Variants in IQANK1 observed in about 807,000 individuals in gnomAD.
IQANK1 encodes the protein IQ motif and ankyrin repeat domain-containing protein 1.
Under a neutral mutation model 22.6 loss-of-function variants are expected in IQANK1, and 30 were observed. The observed-to-expected ratio is 1.33, with a 90% CI of 0.99 to 1.80. The LOEUF is 1.80. Among genes scored for constraint, IQANK1 ranks in the 40% most tolerant of loss-of-function variants. The pLI, the probability that IQANK1 is intolerant of heterozygous loss-of-function variation, is 0.00. For missense variants in IQANK1, 275 were observed against 235.2 expected, an observed-to-expected ratio of 1.17 and a Z score of -1.11; for synonymous variants, 122 against 99.6, an observed-to-expected ratio of 1.23 and a Z score of -1.34.
intron 7 of IQANK1, among the ~76,000 whole-genome samples, chr8:143,788,374 T>A (rs148366184): frequency 6.6e-6 from 1 of 152,224 alleles, no homozygotes; most frequent in Non-Finnish European, 1.5e-5. Flanking sequence ...CCGGCGCAGC[T>A]GGGCTTTGAG....
At chr8:143,764,207 A>G (rs896594813) in intron 3 of IQANK1, among the ~76,000 whole-genome samples, 8 of 150,542 alleles carry the variant, frequency 5.3e-5, no homozygotes, top group African/African-American at 2.0e-4. Flanking sequence ...TTGGTAGCAG[A>G]AAAAAAACGA....
At chr8:143,777,544 C>G (rs1164110775) in intron 7 of IQANK1, among the ~76,000 whole-genome samples, 1 of 138,168 alleles carries the variant, frequency 7.2e-6, no homozygotes, top group Non-Finnish European at 1.6e-5. Context: ...AAAAAACAAA[C>G]CACTAAAAAA....
At chr8:143,749,289 AT>A (rs1451709652) in intron 3 of IQANK1, among the ~76,000 whole-genome samples, 2 of 120,866 alleles carry the variant, frequency 1.7e-5, no homozygotes, top group African/African-American at 6.8e-5. Flanking sequence ...ATATATAAAA[AT>A]ATATAATATA....
At chr8:143,785,385 T>A (rs539586718) in intron 7 of IQANK1, among the ~76,000 whole-genome samples, 1 of 150,476 alleles carries the variant, frequency 6.6e-6, no homozygotes, top group African/African-American at 2.4e-5. Flanking sequence ...GCCTCCCGAG[T>A]AGCTGGGACT....
At chr8:143,753,860 G>A (rs1207304283) in intron 3 of IQANK1, among the ~76,000 whole-genome samples, 1 of 152,062 alleles carries the variant, frequency 6.6e-6, no homozygotes, top group African/African-American at 2.4e-5. Flanking sequence ...CTGGACATTT[G>A]AATCTAATAA....
In IQANK1 at chr8:143,758,585, A is replaced by G. The variant is rs1819334593; in HGVS notation, c.176-12903A>G. ...CTTGAACATTTTCAGCTAGAATGACACGGCATTCTCCTACATAAAACATTA... is the reference window on the plus strand; with the variant it reads ...CTTGAACATTTTCAGCTAGAATGACGCGGCATTCTCCTACATAAAACATTA... On this transcript the variant is annotated intron_variant, in intron 3 of 13. Coordinates refer to ENST00000527139, the MANE Select transcript of IQANK1 (RefSeq NM_001381874.1). This position sits in a 1 kb window ranked among gnomAD's most constrained non-coding sequence, Gnocchi z 4.2. 6.6e-6 allele frequency: 1 copy of G among 152,230 alleles called. No homozygotes were observed. Among genetic ancestry groups the G allele is most frequent in the Admixed American group, 6.5e-5 (1 of 15,276 alleles). 9.4% of individuals were successfully genotyped at this position (152,230 alleles called of 1,614,324 possible). A position where few individuals can be genotyped will look rare whatever the true frequency, so the allele number is the denominator to read the frequency against.
At chr8:143,766,894 C>G (rs1389177301) in intron 3 of IQANK1, among the ~76,000 whole-genome samples, 4 of 152,204 alleles carry the variant, frequency 2.6e-5, no homozygotes, top group Non-Finnish European at 5.9e-5. Context: ...TGTCCTCCCT[C>G]TCCTCATACG....
At chr8:143,786,291 CAG>C (rs1342555150) in intron 7 of IQANK1, among the ~76,000 whole-genome samples, 1 of 152,204 alleles carries the variant, frequency 6.6e-6, no homozygotes, top group Non-Finnish European at 1.5e-5. Flanking sequence ...TCACCAACTT[CAG>C]AGATTAAGAT....
chr8:143,743,477 G>T (rs1818965475), intron 3 of IQANK1, among the ~76,000 whole-genome samples: 1 of 152,198 alleles, frequency 6.6e-6, no homozygotes, highest in African/African-American at 2.4e-5. Flanking sequence ...AAGGACTTGG[G>T]CTGTTTGACT....
chr8:143,771,729 G>A lies in IQANK1; in HGVS notation c.307-72G>A. 1 of 397,392 alleles carries A rather than the reference G, an allele frequency of 2.5e-6. No homozygotes were observed. Among genetic ancestry groups the A allele is most frequent in the Non-Finnish European group, 4.4e-6 (1 of 225,524 alleles). 24.6% of individuals were successfully genotyped at this position (397,392 alleles called of 1,614,324 possible). ...GCTCAGATCGGGCTCCGACCTCAGAGGCGTGGACCGTGGCCTCGGGGCTCG... is the reference window on the plus strand; with the variant it reads ...GCTCAGATCGGGCTCCGACCTCAGAAGCGTGGACCGTGGCCTCGGGGCTCG... On this transcript the variant is annotated intron_variant, in intron 4 of 13. Transcript: ENST00000527139. The surrounding 1 kb of genome is among the most constrained non-coding windows in gnomAD (Gnocchi z 6.0).
chr8:143,747,693 C>A (rs1468560892), intron 3 of IQANK1, among the ~76,000 whole-genome samples: 1 of 151,868 alleles, frequency 6.6e-6, no homozygotes, highest in African/African-American at 2.4e-5. Flanking sequence ...GAATTTTCCA[C>A]TTTTACTTCT....
rs1554625521 is a variant in IQANK1, at chr8:143,735,448, A to AGG, written c.-4-401_-4-400dup. 2.6e-5 allele frequency among the ~76,000 whole-genome samples: 4 copies of AGG among 152,016 alleles called. No individual in the cohort carries two copies. The highest frequency in any genetic ancestry group is 9.7e-5 in the African/African-American group (4 of 41,390). ...GGGCTGGCTTCCCAGGGCAGTGGAG[A>AGG]GGCATGGAGGCTTCAGCAGAGAGGG... On this transcript the variant is annotated intron_variant, in intron 1 of 13. Coordinates refer to ENST00000527139, the MANE Select transcript of IQANK1 (RefSeq NM_001381874.1). The surrounding 1 kb of genome is among the most constrained non-coding windows in gnomAD (Gnocchi z 5.2).
intron 3 of IQANK1, among the ~76,000 whole-genome samples, chr8:143,753,480 C>T (rs1401915139): frequency 7.3e-6 from 1 of 137,038 alleles, no homozygotes; most frequent in Non-Finnish European, 1.5e-5. Flanking sequence ...TTTTTTGAGA[C>T]GGAGTCTCGC....
In IQANK1 at chr8:143,775,747, G is replaced by A. The variant is rs191422477; in HGVS notation, c.789+3265G>A. Among the ~76,000 whole-genome samples the A allele has an allele frequency of 1.0e-4, 15 of 147,914 alleles. No individual in the cohort carries two copies. The East Asian group carries it at 3.2e-3, about 32-fold the overall frequency. The stretch of plus-strand genomic sequence containing the variant: ...ACTGGGCTTCAGCCTGGGCAACAGA[G>A]TGAGATTCCGCCTCAAAAACAAAAA... On this transcript the variant is annotated intron_variant, in intron 7 of 13. Coordinates refer to ENST00000527139, the MANE Select transcript of IQANK1 (RefSeq NM_001381874.1).
At chr8:143,749,549 G>C (rs548776925) in intron 3 of IQANK1, among the ~76,000 whole-genome samples, 70 of 130,002 alleles carry the variant, frequency 5.4e-4, no homozygotes, top group African/African-American at 1.2e-3. Flanking sequence ...TGATATATAT[G>C]ATATATATCA....
intron 3 of IQANK1, among the ~76,000 whole-genome samples, chr8:143,767,420 A>C (rs1336078964): frequency 1.3e-5 from 2 of 152,142 alleles, no homozygotes; most frequent in Non-Finnish European, 2.9e-5. Flanking sequence ...CTAGTATTTG[A>C]CAATTGTTTA....
chr8:143,773,311 A>AC (rs1165937967), intron 7 of IQANK1, among the ~76,000 whole-genome samples: 2 of 134,470 alleles, frequency 1.5e-5, no homozygotes, highest in African/African-American at 7.8e-5. Flanking sequence ...AAAAAAAAAA[A>AC]AAAAACAAAA....
At chr8:143,754,943 A>T (rs1819261785) in intron 3 of IQANK1, among the ~76,000 whole-genome samples, 2 of 152,164 alleles carry the variant, frequency 1.3e-5, no homozygotes, top group South Asian at 4.1e-4. Context: ...AATCTTCTGT[A>T]ACGTAACTAC....
In IQANK1 at chr8:143,771,342, C is replaced by A. The variant is rs1395174104; in HGVS notation, c.176-146C>A. Reference sequence around the variant, plus strand: ...CGTGCGGCCTCTGCGGGCGGGAACCCCGGCTCGGCCGCGCTGGGGGCTTTG... The same window carrying A: ...CGTGCGGCCTCTGCGGGCGGGAACCACGGCTCGGCCGCGCTGGGGGCTTTG... On this transcript the variant is annotated intron_variant, in intron 3 of 13. Transcript: ENST00000527139. This position sits in a 1 kb window ranked among gnomAD's most constrained non-coding sequence, Gnocchi z 6.0. 2.6e-6 allele frequency: 1 copy of A among 389,870 alleles called. No individual in the cohort carries two copies. Among genetic ancestry groups the A allele is most frequent in the Admixed American group, 4.5e-5 (1 of 22,376 alleles). The allele number at this position is 389,870 out of a possible 1,614,324, so 24.2% of individuals were successfully genotyped here.
Sources: allele counts gnomAD v4.1 joint callset (sites outside exome capture counted in the v4.1 genomes callset), GRCh38; gene constraint gnomAD v4.1.1; non-coding constraint Gnocchi (gnomAD v3.1); transcripts MANE v1.5; gene names NCBI Gene and HGNC (gene_info 2026-07-23, HGNC 2026-07-21).